Variants in DMD observed in about 807,000 individuals in gnomAD.
DMD encodes dystrophin, also known as mutant dystrophin.
DMD carries 63 observed loss-of-function variants against 330.1 expected under a neutral mutation model. The observed-to-expected ratio is 0.19, with a 90% CI of 0.16 to 0.24. DMD has a LOEUF of 0.24. Among genes scored for constraint, DMD ranks in the 10% least tolerant of loss-of-function variants. DMD has a pLI of 1.00. For synonymous variants in DMD, 1,223 were observed against 959.8 expected, an observed-to-expected ratio of 1.27 and a Z score of -5.07; for missense variants, 3,344 against 2,684.1, an observed-to-expected ratio of 1.25 and a Z score of -5.43.
At chrX:33,054,067 G>A (rs918924275) in intron 1 of DMD, among the ~76,000 whole-genome samples, 2 of 111,762 alleles carry the variant, frequency 1.8e-5, no homozygotes, top group Admixed American at 9.6e-5. Context: ...AGAAGGGAAC[G>A]TGGCAAATAA....
chrX:33,092,020 A>G (rs1203666926), intron 1 of DMD, among the ~76,000 whole-genome samples: 1 of 111,706 alleles, frequency 9.0e-6, no homozygotes, highest in Non-Finnish European at 1.9e-5. Context: ...CTAATAGCTG[A>G]TTTTTTTAAG....
At position 31,835,935 on chromosome X, in the gene DMD, G is replaced by A. The variant is rs141509910; in HGVS notation, c.7200+783C>T. 3.3e-3 allele frequency among the ~76,000 whole-genome samples: 366 copies of A among 111,922 alleles called. 2 individuals are homozygous for A. The highest frequency in any genetic ancestry group is 0.01 in the African/African-American group (323 of 30,832). On this transcript the variant is annotated intron_variant, in intron 49 of 78. Transcript: ENST00000357033. ...AAACAGCCATGATTACAGGATCTCA[G>A]GAACCTTCATCATAATGGGAGCCAT...
chrX:31,416,089 G>A lies in DMD; in HGVS notation c.9084+28392C>T, dbSNP rs184906470. ...TTAAATATCTCAACATAGATAGTTG[G>A]ATATTTTATATGTGCAGTTAGTGCA... On this transcript the variant is annotated intron_variant, in intron 60 of 78. Coordinates refer to ENST00000357033, the MANE Select transcript of DMD (RefSeq NM_004006.3). Among the ~76,000 whole-genome samples, 18 of 112,014 alleles carry A rather than the reference G, an allele frequency of 1.6e-4. No homozygotes were observed. In the East Asian group the frequency reaches 3.6e-3, roughly 23 times the overall value.
intron 47 of DMD, among the ~76,000 whole-genome samples, chrX:31,891,679 A>C (rs2094253830): frequency 8.9e-6 from 1 of 111,868 alleles, no homozygotes; most frequent in Non-Finnish European, 1.9e-5. Flanking sequence ...CTTTTGATCC[A>C]CAATAGCGGT....
chrX:31,702,037 T>C (rs2083848508), intron 52 of DMD, among the ~76,000 whole-genome samples: 1 of 112,223 alleles, frequency 8.9e-6, no homozygotes, highest in Non-Finnish European at 1.9e-5. Context: ...TCTTTATGTT[T>C]TCAGATATCC....
chrX:32,229,659 T>C (rs1355930227), intron 43 of DMD, among the ~76,000 whole-genome samples: 1 of 88,133 alleles, frequency 1.1e-5, no homozygotes, highest in South Asian at 6.1e-4. Flanking sequence ...CATATATATA[T>C]ATATATCTCA....
At chrX:32,258,028 C>G (rs2097306397) in intron 43 of DMD, among the ~76,000 whole-genome samples, 1 of 109,211 alleles carries the variant, frequency 9.2e-6, no homozygotes, top group African/African-American at 3.3e-5. Context: ...CTTCTCAAAA[C>G]AAGACATTTA....
intron 2 of DMD, among the ~76,000 whole-genome samples, chrX:33,016,329 T>C (rs1057066276): frequency 1.3e-4 from 15 of 111,855 alleles, no homozygotes; most frequent in Non-Finnish European, 2.1e-4. Context: ...TAATCATTTA[T>C]GTCTTTAGAT....
chrX:31,176,964 C>T (rs1342907216), intron 71 of DMD, among the ~76,000 whole-genome samples: 6 of 110,666 alleles, frequency 5.4e-5, no homozygotes, highest in African/African-American at 2.0e-4. Flanking sequence ...TATGGTGGAA[C>T]AATAAAAAAG....
chrX:32,003,068 T>C (rs1222875567), intron 44 of DMD, among the ~76,000 whole-genome samples: 1 of 112,028 alleles, frequency 8.9e-6, no homozygotes, highest in East Asian at 2.8e-4. Flanking sequence ...CAGGCACTGT[T>C]TTTAATTCCA....
At chrX:32,701,743 T>C (rs2064153520) in intron 7 of DMD, among the ~76,000 whole-genome samples, 2 of 111,717 alleles carry the variant, frequency 1.8e-5, no homozygotes, top group African/African-American at 6.5e-5. Context: ...CACATGCATG[T>C]ATGTTTGGTC....
At chrX:32,406,111 A>C (rs1431939886) in intron 30 of DMD, among the ~76,000 whole-genome samples, 2 of 111,857 alleles carry the variant, frequency 1.8e-5, no homozygotes, top group Admixed American at 1.9e-4. Context: ...TTGCATGCTG[A>C]GACTTTGCTG....
At chrX:31,936,541 C>T (rs767502287) in intron 45 of DMD, among the ~76,000 whole-genome samples, 4 of 111,550 alleles carry the variant, frequency 3.6e-5, no homozygotes, top group Non-Finnish European at 7.6e-5. Flanking sequence ...ATGTCTGTTG[C>T]CCATTTTTCC....
chrX:31,174,374 T>G (rs1288276662), intron 71 of DMD, among the ~76,000 whole-genome samples: 1 of 111,985 alleles, frequency 8.9e-6, no homozygotes, highest in Non-Finnish European at 1.9e-5. Flanking sequence ...CTATCTTTTC[T>G]TATCTCCATA....
intron 74 of DMD, among the ~76,000 whole-genome samples, chrX:31,151,176 C>G (rs914359403): frequency 3.6e-5 from 4 of 112,349 alleles, no homozygotes; most frequent in Non-Finnish European, 5.6e-5. Context: ...TTTCTGAGAA[C>G]TTAACTGGCA....
At chrX:32,380,322 C>G (rs1349167617) in intron 34 of DMD, among the ~76,000 whole-genome samples, 188 bp downstream of exon 34, 1 of 111,420 alleles carries the variant, frequency 9.0e-6, no homozygotes, top group Non-Finnish European at 1.9e-5. Context: ...TTTGGAGAGA[C>G]TCCTGCTAAA....
chrX:31,149,871 C>A (rs2037185491), intron 74 of DMD, among the ~76,000 whole-genome samples: 1 of 111,760 alleles, frequency 8.9e-6, no homozygotes, highest in Non-Finnish European at 1.9e-5. Context: ...TTTCCATTTT[C>A]ACTTCTTAGT....
chrX:31,570,891 A>G (rs2075775493), intron 55 of DMD, among the ~76,000 whole-genome samples: 1 of 112,006 alleles, frequency 8.9e-6, no homozygotes, highest in African/African-American at 3.2e-5. Context: ...CTTCAAAGAA[A>G]GATGTGACAA....
intron 43 of DMD, among the ~76,000 whole-genome samples, chrX:32,274,565 A>C (rs992961796): frequency 8.9e-6 from 1 of 112,374 alleles, no homozygotes; most frequent in Non-Finnish European, 1.9e-5. Flanking sequence ...AGATAAGCTG[A>C]TGGGCAGAAA....
Sources: allele counts gnomAD v4.1 joint callset (sites outside exome capture counted in the v4.1 genomes callset), GRCh38; gene constraint gnomAD v4.1.1; transcripts MANE v1.5; gene names NCBI Gene and HGNC (gene_info 2026-07-23, HGNC 2026-07-21).